The following EIF1AD variants were observed in gnomAD, a reference collection of about 807,000 sequenced individuals.
EIF1AD encodes eukaryotic translation initiation factor 1A domain containing.
EIF1AD carries 9 observed loss-of-function variants against 21.7 expected under a neutral mutation model. The ratio of observed to expected loss-of-function variants is 0.41; its 90% CI spans 0.25 to 0.72. The LOEUF (loss-of-function observed/expected upper bound fraction) is 0.72. EIF1AD is among the 30% of genes least tolerant of loss of function. The pLI is 0.29. For missense variants in EIF1AD, 164 were observed against 199.7 expected, an observed-to-expected ratio of 0.82 and a Z score of 1.08; for synonymous variants, 78 against 70.9, an observed-to-expected ratio of 1.10 and a Z score of -0.50.
chr11:66,001,405 G>A (rs933881278), intron 1 of EIF1AD, among the ~76,000 whole-genome samples: 1 of 147,802 alleles, frequency 6.8e-6, no homozygotes, highest in African/African-American at 2.5e-5. Context: ...CCGGGAGGCG[G>A]AGCTTGCAGT....
At chr11:65,999,708 C>G (rs1313851248) in intron 3 of EIF1AD, 33 bp from the exon 4 acceptor site, 24 of 1,514,498 alleles carry the variant, frequency 1.6e-5, no homozygotes, top group Non-Finnish European at 2.1e-5. Flanking sequence ...CAAAGTCAGG[C>G]CTGCTTGCAA....
In EIF1AD at chr11:65,998,522, G is replaced by A; in HGVS notation, c.*77C>T. 1 of 1,557,586 alleles carries A rather than the reference G, an allele frequency of 6.4e-7. No homozygotes were observed. The highest frequency in any genetic ancestry group is 8.7e-7 in the Non-Finnish European group (1 of 1,148,010). ...CCTCATGCAGGGGTGAAGATGTGCAGAGCACCCTGGGAATGTCCAAGCCCA... is the reference window on the plus strand; with the variant it reads ...CCTCATGCAGGGGTGAAGATGTGCAAAGCACCCTGGGAATGTCCAAGCCCA... On this transcript the variant is annotated 3_prime_UTR_variant, in exon 6 of 6. Transcript: ENST00000533544.
At chr11:66,001,712 C>G (rs751564024) in intron 1 of EIF1AD, among the ~76,000 whole-genome samples, 198 bp downstream of exon 1, 3 of 152,102 alleles carry the variant, frequency 2.0e-5, no homozygotes, top group Non-Finnish European at 2.9e-5. Context: ...TGGTTCAAGC[C>G]AGGAACTAGT....
chr11:65,998,367 A>C lies in EIF1AD; in HGVS notation c.*232T>G, dbSNP rs1375543992. On this transcript the variant is annotated 3_prime_UTR_variant, in exon 6 of 6. Transcript: ENST00000533544. ...CCCACAAGGTCTCTAATAAATAGGG[A>C]GCAGTTTTTCACTTCATCACAATCT... 8 of 315,654 alleles carry C rather than the reference A, an allele frequency of 2.5e-5. No individual in the cohort carries two copies. Among genetic ancestry groups the C allele is most frequent in the Non-Finnish European group, 2.3e-5 (4 of 172,262 alleles). 19.6% of individuals were successfully genotyped at this position (315,654 alleles called of 1,614,324 possible).
At position 65,998,898 on chromosome 11, in the gene EIF1AD, G is replaced by C. The variant is rs191691100; in HGVS notation, c.354-155C>G. ...AACAAGGGACACAGGAGAGCAAACAGTGGGGAAACGTGGCCAAAGAAACAG... is the reference window on the plus strand; with the variant it reads ...AACAAGGGACACAGGAGAGCAAACACTGGGGAAACGTGGCCAAAGAAACAG... On this transcript the variant is annotated intron_variant, in intron 5 of 5. Transcript: ENST00000533544. Among the ~76,000 whole-genome samples the C allele has an allele frequency of 2.0e-3, 304 of 152,318 alleles. 1 individual carries two copies. Among genetic ancestry groups the C allele is most frequent in the African/African-American group, 6.9e-3 (287 of 41,576 alleles).
rs117063652 is a variant in EIF1AD at position 66,000,515 on chromosome 11, G to A, written c.-116-10C>T. On this transcript the variant is annotated splice_polypyrimidine_tract_variant and intron_variant, in intron 1 of 5. Coordinates refer to ENST00000533544, the MANE Select transcript of EIF1AD (RefSeq NM_001242481.2). ...GGGGAGGGGCCTTTTACTGAGGGGTGACACGGTGTCTTGGTTAAGAACATG... is the reference window on the plus strand; with the variant it reads ...GGGGAGGGGCCTTTTACTGAGGGGTAACACGGTGTCTTGGTTAAGAACATG... The A allele has an allele frequency of 2.9e-5, 25 of 850,418 alleles. No individual in the cohort carries two copies. The African/African-American group carries it at 3.0e-4, about 10-fold the overall frequency. 52.7% of individuals were successfully genotyped at this position (850,418 alleles called of 1,614,324 possible). A position where few individuals can be genotyped will look rare whatever the true frequency, so the allele number is the denominator to read the frequency against.
At chr11:65,998,779 C>G in intron 5 of EIF1AD, 36 bp from the exon 6 acceptor site, 1 of 1,599,878 alleles carries the variant, frequency 6.3e-7, no homozygotes, top group Non-Finnish European at 8.5e-7. Flanking sequence ...TAGCCCAGCG[C>G]CTTCTGGGAA....
rs776474968 is a variant in EIF1AD, at chr11:66,000,078, G to A, written c.171C>T (p.Tyr57=). ...QRFLVSMPSK[Y]RKNIWIKRGD... ...CTCTCTTGATCCAGATGTTCTTGCG[G>A]TATTTGGAGGGCATGCTCACCAGGA... The change falls in exon 3 of 6, where the codon TAC becomes TAT. Residue 57 remains tyrosine, a synonymous_variant. Coordinates refer to ENST00000533544, the MANE Select transcript of EIF1AD (RefSeq NM_001242481.2). The A allele has an allele frequency of 5.0e-6, 8 of 1,613,858 alleles. No individual in the cohort carries two copies. Among genetic ancestry groups the A allele is most frequent in the Non-Finnish European group, 6.8e-6 (8 of 1,179,836 alleles).
At chr11:65,999,773 T>C (rs1855873255) in intron 3 of EIF1AD, 98 bp from the exon 4 acceptor site, 1 of 815,734 alleles carries the variant, frequency 1.2e-6, no homozygotes, top group South Asian at 1.6e-5. Flanking sequence ...GGGCTGCCTC[T>C]CTCACCTCTC....
intron 4 of EIF1AD, 44 bp downstream of exon 4, chr11:65,999,523 T>C (rs771057293): frequency 1.3e-6 from 2 of 1,595,630 alleles, no homozygotes; most frequent in Non-Finnish European, 1.7e-6. Context: ...AGGAAGGCAA[T>C]GCCTCCAGAA....
chr11:66,001,805 C>T (rs913444495), intron 1 of EIF1AD, 105 bp downstream of exon 1: 3 of 152,190 alleles, frequency 2.0e-5, no homozygotes, highest in African/African-American at 7.2e-5. Context: ...AGGCCAGTAC[C>T]CTTAAGACTG....
Position 65,998,426 on chromosome 11 carries a change from C to G in EIF1AD, c.*173G>C, listed in dbSNP as rs1223150438. 1.4e-6 allele frequency: 1 copy of G among 726,508 alleles called. No individual in the cohort carries two copies. The highest frequency in any genetic ancestry group is 2.9e-5 in the Admixed American group (1 of 34,428). 45.0% of individuals were successfully genotyped at this position (726,508 alleles called of 1,614,324 possible). A position where few individuals can be genotyped will look rare whatever the true frequency, so the allele number is the denominator to read the frequency against. On this transcript the variant is annotated 3_prime_UTR_variant, in exon 6 of 6. Coordinates refer to ENST00000533544, the MANE Select transcript of EIF1AD (RefSeq NM_001242481.2). The stretch of plus-strand genomic sequence containing the variant: ...CGAGAGAGCCACTCAGACACCAGAA[C>G]AAGTCACCAACCCACCAGGGGTTTA...
At position 66,002,101 on chromosome 11, in the gene EIF1AD, G is replaced by C. The variant is rs886048512; in HGVS notation, c.-308C>G. On this transcript the variant is annotated 5_prime_UTR_variant, in exon 1 of 6. Coordinates refer to ENST00000533544, the MANE Select transcript of EIF1AD (RefSeq NM_001242481.2). ...TCTCCAGTGTTCCCAGTTCCCACCA[G>C]TCCAACTGCGAGGAGTGCGACGTGA... is the stretch of plus-strand genomic sequence containing the variant. 12 of 152,120 alleles carry C rather than the reference G, an allele frequency of 7.9e-5. No homozygotes were observed. The highest frequency in any genetic ancestry group is 1.0e-4 in the Non-Finnish European group (7 of 68,078). 9.4% of individuals were successfully genotyped at this position (152,120 alleles called of 1,614,324 possible).
chr11:66,000,405 C>T lies in EIF1AD; in HGVS notation c.-16G>A, dbSNP rs1855901738. The T allele has an allele frequency of 1.3e-6, 2 of 1,594,574 alleles. No homozygotes were observed. The highest frequency in any genetic ancestry group is 1.7e-6 in the Non-Finnish European group (2 of 1,170,112). ...CCTGAGACATGCTGAAGTCGTCCCA[C>T]ACTGGTTAGGAACGAAGAGACTGTC... On this transcript the variant is annotated 5_prime_UTR_variant, in exon 2 of 6. In the 5' UTR this introduces an upstream ATG that the reference lacks. Coordinates refer to ENST00000533544, the MANE Select transcript of EIF1AD (RefSeq NM_001242481.2).
In EIF1AD at chr11:65,998,573, C is replaced by T; in HGVS notation, c.*26G>A. 3 of 1,611,344 alleles carry T rather than the reference C, an allele frequency of 1.9e-6. No individual in the cohort carries two copies. The highest frequency in any genetic ancestry group is 2.5e-6 in the Non-Finnish European group (3 of 1,179,030). On this transcript the variant is annotated 3_prime_UTR_variant, in exon 6 of 6. Transcript: ENST00000533544. ...GAAGAGCCAGGGGCCAGTCCCTGAG[C>T]AAGTGGAGAATTGGGTCCTGGAGTC... is the stretch of plus-strand genomic sequence containing the variant.
chr11:66,000,211 C>CT, intron 2 of EIF1AD, 50 bp from the exon 3 acceptor site: 1 of 1,605,696 alleles, frequency 6.2e-7, no homozygotes. Context: ...ATCAAACACC[C>CT]TCTCAGACAC....
intron 5 of EIF1AD, 42 bp from the exon 6 acceptor site, chr11:65,998,785 G>C (rs777828839): frequency 6.3e-7 from 1 of 1,599,260 alleles, no homozygotes; most frequent in South Asian, 1.1e-5. Context: ...AGCGCCTTCT[G>C]GGAAAATAAT....
chr11:65,998,536 T>G lies in EIF1AD; in HGVS notation c.*63A>C. On this transcript the variant is annotated 3_prime_UTR_variant, in exon 6 of 6. Transcript: ENST00000533544. The stretch of plus-strand genomic sequence containing the variant: ...GAAGATGTGCAGAGCACCCTGGGAA[T>G]GTCCAAGCCCAGAAGAGCCAGGGGC... 6.3e-7 allele frequency: 1 copy of G among 1,588,126 alleles called. No homozygotes were observed. Among genetic ancestry groups the G allele is most frequent in the Non-Finnish European group, 8.6e-7 (1 of 1,166,840 alleles).
At position 65,998,682 on chromosome 11, in the gene EIF1AD, C is replaced by T; in HGVS notation, c.415G>A (p.Asp139Asn). ...GTGTTAACAAACAGGTCAGAATCAT[C>T]TTCTGAGCTGGACTCCTCTCCTGAT... The part of the protein sequence containing the change: ...QLSGEESSSE[D>N]DSDLFVNTNR... Residue 139 changes from aspartate (D) to asparagine (N), a missense_variant, in exon 6 of 6, where the codon GAT (aspartate) becomes AAT (asparagine). Physicochemically the swap from Asp to Asn is conservative, Grantham distance 23. Transcript: ENST00000533544. 6.2e-7 allele frequency: 1 copy of T among 1,614,114 alleles called. No homozygotes were observed. The highest frequency in any genetic ancestry group is 8.5e-7 in the Non-Finnish European group (1 of 1,179,960).
Sources: gnomAD v4.1 joint callset for allele counts (sites outside exome capture counted in the v4.1 genomes callset) on GRCh38, gnomAD v4.1.1 for gene constraint, MANE v1.5 for transcripts, NCBI Gene and HGNC (gene_info 2026-07-23, HGNC 2026-07-21) for gene names.